Variants in CRAT observed in about 807,000 individuals in gnomAD.
CRAT encodes carnitine acetylase.
A neutral mutation model predicts 73.7 loss-of-function variants in CRAT; 66 were observed. That is an observed-to-expected ratio of 0.90 (90% CI 0.73 to 1.10). CRAT has a LOEUF of 1.10. Ranked by LOEUF, CRAT falls within the 50% of genes least tolerant of loss-of-function variation. The pLI, the probability that CRAT is intolerant of heterozygous loss-of-function variation, is 0.00. For missense variants in CRAT, 745 were observed against 846.9 expected, an observed-to-expected ratio of 0.88 and a Z score of 1.49; for synonymous variants, 321 against 343.2, an observed-to-expected ratio of 0.94 and a Z score of 0.71.
intron 5 of CRAT, 100 bp downstream of exon 5, chr9:129,102,294 GTGGGCA>G: frequency 6.8e-7 from 1 of 1,479,238 alleles, no homozygotes; most frequent in Non-Finnish European, 9.3e-7. Flanking sequence ...CCTGGGGCAC[GTGGGCA>G]CGTGTGCTGG....
At chr9:129,099,230 C>T (rs1430460055) in intron 8 of CRAT, among the ~76,000 whole-genome samples, 1 of 151,080 alleles carries the variant, frequency 6.6e-6, no homozygotes. Flanking sequence ...GCAACCTCTG[C>T]CTCCCGGGTT....
intron 2 of CRAT, among the ~76,000 whole-genome samples, chr9:129,105,001 C>T (rs10988208): frequency 0.44 from 63,313 of 145,218 alleles, 16,624 homozygotes; most frequent in Non-Finnish European, 0.6. Context: ...CCTGGGTTCA[C>T]GCCATTCTCC....
chr9:129,097,396 A>G, intron 11 of CRAT, 84 bp from the exon 12 acceptor site: 1 of 1,087,574 alleles, frequency 9.2e-7, no homozygotes, highest in African/African-American at 1.6e-5. Flanking sequence ...ACCCAGCACT[A>G]GATTCTGAGC....
At chr9:129,100,221 G>A (rs1847574494) in intron 7 of CRAT, 2 of 584,230 alleles carry the variant, frequency 3.4e-6, no homozygotes, top group Admixed American at 6.2e-5. Context: ...TTTTACAGGT[G>A]TGGAGAGGGA....
intron 5 of CRAT, 74 bp from the exon 6 acceptor site, chr9:129,102,131 C>T: frequency 6.7e-7 from 1 of 1,492,872 alleles, no homozygotes. Context: ...CCTCCCCACA[C>T]CTGCCTCCTC....
chr9:129,100,118 C>T (rs1847568395), intron 7 of CRAT, 152 bp from the exon 8 acceptor site: 1 of 614,710 alleles, frequency 1.6e-6, no homozygotes. Flanking sequence ...CTGACACTCA[C>T]CAGGTGCCCT....
rs757592977 is a variant in CRAT, at chr9:129,108,089, A to G, written c.28-12T>C. 1.3e-6 allele frequency: 2 copies of G among 1,507,456 alleles called. No individual in the cohort carries two copies. The highest frequency in any genetic ancestry group is 8.8e-7 in the Non-Finnish European group (1 of 1,136,032). 93.4% of individuals were successfully genotyped at this position (1,507,456 alleles called of 1,614,324 possible). On this transcript the variant is annotated splice_polypyrimidine_tract_variant and intron_variant, in intron 1 of 13. Transcript: ENST00000318080. ...CCCAGAGGCTTCACCTGCAGGTAGC[A>G]GAACATCCTGTTCATTCCCTCCCCG...
chr9:129,097,240 G>C lies in CRAT; in HGVS notation c.1527+10C>G, dbSNP rs1180700435. ...GGGACAAGTGAGTAGGCACAAGCGG[G>C]CTCACTTACCCGGTCGGTGTAGCCT... On this transcript the variant is annotated intron_variant, in intron 12 of 13. Coordinates refer to ENST00000318080, the MANE Select transcript of CRAT (RefSeq NM_000755.5). 4 of 1,552,348 alleles carry C rather than the reference G, an allele frequency of 2.6e-6. No homozygotes were observed. The highest frequency in any genetic ancestry group is 2.6e-6 in the Non-Finnish European group (3 of 1,147,134).
chr9:129,100,907 C>T (rs1847634149), intron 6 of CRAT, among the ~76,000 whole-genome samples: 1 of 152,224 alleles, frequency 6.6e-6, no homozygotes, highest in South Asian at 2.1e-4. Flanking sequence ...AGGCCCACAG[C>T]ACTCCTCGAG....
In CRAT at chr9:129,100,367, C is replaced by A. The variant is rs748828036; in HGVS notation, c.984+144G>T. 89 of 1,011,204 alleles carry A rather than the reference C, an allele frequency of 8.8e-5. No homozygotes were observed. The Middle Eastern group carries it at 9.8e-4, about 11-fold the overall frequency. 62.6% of individuals were successfully genotyped at this position (1,011,204 alleles called of 1,614,324 possible). On this transcript the variant is annotated intron_variant, in intron 7 of 13. Coordinates refer to ENST00000318080, the MANE Select transcript of CRAT (RefSeq NM_000755.5). ...TGACAGGCTGGCTGCCTGGTAATTA[C>A]GGCAGCGTCCAGCCTGCTGGCTTCC... is the stretch of plus-strand genomic sequence containing the variant.
Position 129,096,066 on chromosome 9 carries a change from T to G in CRAT, c.1597A>C (p.Ser533Arg). ...LKLQAIEDLV[S>R]MPDIFMDTSY... ...GTGTCCATGAAGATGTCGGGCATGC[T>G]CACCAGGTCCTCGATGGCCTGCAGC... Residue 533 changes from serine to arginine, a missense_variant, in exon 13 of 14, where the codon AGC becomes CGC. Physicochemically the swap from Ser to Arg is moderately radical, Grantham distance 110. Transcript: ENST00000318080. The G allele has an allele frequency of 6.2e-7, 1 of 1,614,018 alleles. No homozygotes were observed. Among genetic ancestry groups the G allele is most frequent in the Non-Finnish European group, 8.5e-7 (1 of 1,180,032 alleles).
intron 4 of CRAT, 95 bp from the exon 5 acceptor site, chr9:129,102,660 A>C: frequency 2.8e-5 from 39 of 1,403,854 alleles, no homozygotes; most frequent in Non-Finnish European, 3.7e-5. Context: ...CTGGGGGCTC[A>C]CACAGTGTCC....
At chr9:129,097,633 C>T (rs1464915084) in intron 11 of CRAT, among the ~76,000 whole-genome samples, 6 of 151,232 alleles carry the variant, frequency 4.0e-5, no homozygotes, top group East Asian at 1.9e-4. Flanking sequence ...TGCTTGAACC[C>T]GGGAGGTGGA....
intron 1 of CRAT, chr9:129,109,056 G>A: frequency 8.0e-7 from 1 of 1,251,066 alleles, no homozygotes; most frequent in South Asian, 1.4e-5. Flanking sequence ...AGAGGAATGG[G>A]GAGCAGGTGA....
rs1288236367 is a variant in CRAT, at chr9:129,107,018, C to G, written c.291+796G>C. 6.6e-6 allele frequency among the ~76,000 whole-genome samples: 1 copy of G among 152,162 alleles called. No individual in the cohort carries two copies. The highest frequency in any genetic ancestry group is 1.5e-5 in the Non-Finnish European group (1 of 68,010). ...TCGCCTCTGGCTTCCACTCTGCCTCCCTCCCAGCAGCTGGGTCACCTTTTT... is the reference window on the plus strand; with the variant it reads ...TCGCCTCTGGCTTCCACTCTGCCTCGCTCCCAGCAGCTGGGTCACCTTTTT... On this transcript the variant is annotated intron_variant, in intron 2 of 13. Transcript: ENST00000318080. This position sits in a 1 kb window ranked among gnomAD's most constrained non-coding sequence, Gnocchi z 5.0.
intron 1 of CRAT, chr9:129,108,648 A>G: frequency 8.3e-7 from 1 of 1,207,978 alleles, no homozygotes. Context: ...ATGGAGGGTG[A>G]GAGGCGGCAG....
At chr9:129,102,279 C>T in intron 5 of CRAT, 121 bp downstream of exon 5, 2 of 1,425,136 alleles carry the variant, frequency 1.4e-6, no homozygotes, top group Admixed American at 1.9e-5. Context: ...CCAGGGGCGC[C>T]CATTCCTGGG....
At chr9:129,096,747 GC>G (rs1156792982) in intron 12 of CRAT, among the ~76,000 whole-genome samples, 2 of 152,240 alleles carry the variant, frequency 1.3e-5, no homozygotes, top group Admixed American at 6.5e-5. Context: ...CAGTTACTGG[GC>G]CCAGGCTGGG....
At chr9:129,109,573 A>G (rs1301362444) in intron 1 of CRAT, among the ~76,000 whole-genome samples, 1 of 152,204 alleles carries the variant, frequency 6.6e-6, no homozygotes, top group African/African-American at 2.4e-5. Context: ...CCCTGCAGGA[A>G]GGTAACCAGT....
Sources: allele counts gnomAD v4.1 joint callset (sites outside exome capture counted in the v4.1 genomes callset), GRCh38; gene constraint gnomAD v4.1.1; non-coding constraint Gnocchi (gnomAD v3.1); transcripts MANE v1.5; gene names NCBI Gene and HGNC (gene_info 2026-07-23, HGNC 2026-07-21).